FNTA: variants seen among roughly 807,000 people sequenced by gnomAD.
The protein encoded by FNTA is protein farnesyltransferase/geranylgeranyltransferase type-1 subunit alpha.
A neutral mutation model predicts 55.2 loss-of-function variants in FNTA; 27 were observed. That is an observed-to-expected ratio of 0.49 (90% CI 0.36 to 0.67). The LOEUF is 0.67. Among genes scored for constraint, FNTA ranks in the 30% least tolerant of loss-of-function variants. FNTA has a pLI of 0.00. For missense variants in FNTA, 422 were observed against 464.7 expected (o/e 0.91, Z 0.85); for synonymous variants, 176 against 170.7 (o/e 1.03, Z -0.24).
At chr8:43,077,069 C>T in intron 5 of FNTA, 147 bp from the exon 6 acceptor site, 2 of 493,782 alleles carry the variant, frequency 4.1e-6, no homozygotes, top group South Asian at 3.9e-5. Flanking sequence ...CCTCTATTTC[C>T]TTTACTTGCA....
chr8:43,069,000 CTG>C (rs1810724669), intron 3 of FNTA, among the ~76,000 whole-genome samples: 1 of 152,318 alleles, frequency 6.6e-6, no homozygotes, highest in East Asian at 1.9e-4. Context: ...GCGTGAGCCA[CTG>C]TGCCTGGCCA....
rs907186142 is a variant in FNTA at position 43,060,675 on chromosome 8, C to T, written c.286+1498C>T. The stretch of plus-strand genomic sequence containing the variant: ...GGACGACAAGAGCAAAACTCTGTCT[C>T]AAAAAAAAAAAAAAAAAATTAACTT... On this transcript the variant is annotated intron_variant, in intron 2 of 8. Coordinates refer to ENST00000302279, the MANE Select transcript of FNTA (RefSeq NM_002027.3). Among the ~76,000 whole-genome samples the T allele has an allele frequency of 9.1e-4, 128 of 141,172 alleles. 1 individual carries two copies. Among genetic ancestry groups the T allele is most frequent in the Middle Eastern group, 3.6e-3 (1 of 276 alleles). The allele number at this position is 141,172 out of a possible 152,430, so 92.6% of individuals were successfully genotyped here. A position where few individuals can be genotyped will look rare whatever the true frequency, so the allele number is the denominator to read the frequency against.
intron 2 of FNTA, among the ~76,000 whole-genome samples, chr8:43,063,840 GGGA>G (rs1361557918): frequency 6.6e-6 from 1 of 152,174 alleles, no homozygotes; most frequent in African/African-American, 2.4e-5. Context: ...TAAGGCCTAT[GGGA>G]GATATGGAAT....
At chr8:43,056,648 T>G (rs1810409340) in intron 1 of FNTA, 102 bp downstream of exon 1, 6 of 729,570 alleles carry the variant, frequency 8.2e-6, no homozygotes, top group African/African-American at 1.9e-5. Context: ...CAGGCCGAAG[T>G]TCCCGTGGCG....
At chr8:43,057,265 C>A (rs1448622556) in intron 1 of FNTA, 1 of 152,190 alleles carries the variant, frequency 6.6e-6, no homozygotes, top group Non-Finnish European at 1.5e-5. Context: ...TCCCTGTGAA[C>A]CTGCAGAGAT....
intron 6 of FNTA, chr8:43,078,903 A>G (rs1399581929): frequency 1.3e-5 from 2 of 152,326 alleles, no homozygotes; most frequent in Non-Finnish European, 2.9e-5. Flanking sequence ...ACAAAACAGC[A>G]TTATTGCTGG....
In FNTA at chr8:43,085,392, C is replaced by T. The variant is rs1811107285; in HGVS notation, c.*110C>T. ...TTGCCTGTGGTGTAAAAGTGCATCA[C>T]ACAGGTATTGCTTTTTAACAAGAAC... On this transcript the variant is annotated 3_prime_UTR_variant, in exon 9 of 9. Transcript: ENST00000302279. 3.0e-6 allele frequency: 3 copies of T among 990,654 alleles called. No homozygotes were observed. The highest frequency in any genetic ancestry group is 4.6e-6 in the Non-Finnish European group (3 of 654,788). The allele number at this position is 990,654 out of a possible 1,614,324, so 61.4% of individuals were successfully genotyped here. A position where few individuals can be genotyped will look rare whatever the true frequency, so the allele number is the denominator to read the frequency against.
At chr8:43,075,936 A>G (rs574172793) in intron 5 of FNTA, among the ~76,000 whole-genome samples, 14 of 150,876 alleles carry the variant, frequency 9.3e-5, no homozygotes, top group Non-Finnish European at 1.8e-4. Flanking sequence ...TGGTGCAGTC[A>G]TAGCTCACTG....
At chr8:43,084,668 C>T in intron 7 of FNTA, 42 bp from the exon 8 acceptor site, 1 of 1,504,236 alleles carries the variant, frequency 6.6e-7, no homozygotes, top group Non-Finnish European at 9.0e-7. Context: ...TTTTGTTCTT[C>T]CTTCACAAAA....
chr8:43,056,340 A>T lies in FNTA; in HGVS notation c.-7A>T. On this transcript the variant is annotated 5_prime_UTR_variant, in exon 1 of 9. Transcript: ENST00000302279. ...CCGCCACCACCTCAGCTGCGGACCGAGGCGAGATGGCGGCCACCGAGGGGG... is the reference window on the plus strand; with the variant it reads ...CCGCCACCACCTCAGCTGCGGACCGTGGCGAGATGGCGGCCACCGAGGGGG... 2 of 1,410,652 alleles carry T rather than the reference A, an allele frequency of 1.4e-6. No individual in the cohort carries two copies. The highest frequency in any genetic ancestry group is 1.5e-5 in the African/African-American group (1 of 66,410). 87.4% of individuals were successfully genotyped at this position (1,410,652 alleles called of 1,614,324 possible).
At chr8:43,066,194 A>G (rs1398770818) in intron 3 of FNTA, among the ~76,000 whole-genome samples, 1 of 148,706 alleles carries the variant, frequency 6.7e-6, no homozygotes, top group Non-Finnish European at 1.5e-5. Context: ...TAACTCTCGT[A>G]TGGATTTTTA....
chr8:43,080,776 TCAC>T (rs1342650345), intron 6 of FNTA: 8 of 152,370 alleles, frequency 5.3e-5, no homozygotes, highest in African/African-American at 1.9e-4. Flanking sequence ...ATTTGCATCA[TCAC>T]TGGCAGTTTT....
intron 6 of FNTA, 103 bp downstream of exon 6, chr8:43,077,467 A>C (rs756893069): frequency 6.5e-5 from 53 of 821,568 alleles, no homozygotes; most frequent in Non-Finnish European, 1.0e-4. Flanking sequence ...ACCCCATGGA[A>C]CTAAAAGAGG....
chr8:43,057,954 C>T (rs1810448830), intron 1 of FNTA, among the ~76,000 whole-genome samples: 3 of 129,728 alleles, frequency 2.3e-5, no homozygotes, highest in Non-Finnish European at 4.7e-5. Flanking sequence ...GTGACTCCAT[C>T]TCAAAAAAAA....
At chr8:43,077,426 A>C in intron 6 of FNTA, 62 bp downstream of exon 6, 39 of 1,365,442 alleles carry the variant, frequency 2.9e-5, no homozygotes, top group Non-Finnish European at 3.4e-5. Flanking sequence ...ACCATATCTC[A>C]GGCACTGGGG....
intron 4 of FNTA, among the ~76,000 whole-genome samples, 178 bp downstream of exon 4, chr8:43,069,837 T>C (rs1439762697): frequency 6.6e-6 from 1 of 151,202 alleles, no homozygotes; most frequent in African/African-American, 2.4e-5. Flanking sequence ...AGAGACGGGG[T>C]TTTGCCATGT....
chr8:43,073,485 G>T (rs374810977), intron 5 of FNTA: 1 of 152,138 alleles, frequency 6.6e-6, no homozygotes, highest in East Asian at 1.9e-4. Context: ...TACTTACCTG[G>T]CAGGGAAGAT....
At chr8:43,066,373 C>T (rs1482839063) in intron 3 of FNTA, among the ~76,000 whole-genome samples, 1 of 150,748 alleles carries the variant, frequency 6.6e-6, no homozygotes, top group Non-Finnish European at 1.5e-5. Flanking sequence ...TCTCCTGCCT[C>T]AGCCTCCCGA....
intron 1 of FNTA, chr8:43,058,842 CTTTAAA>C (rs1369496365): frequency 5.7e-6 from 2 of 351,992 alleles, no homozygotes; most frequent in South Asian, 8.9e-5. Context: ...ACTTATAAAA[CTTTAAA>C]TTTGAAAACT....
Sources: gnomAD v4.1 joint callset for allele counts (sites outside exome capture counted in the v4.1 genomes callset) on GRCh38, gnomAD v4.1.1 for gene constraint, MANE v1.5 for transcripts, NCBI Gene and HGNC (gene_info 2026-07-23, HGNC 2026-07-21) for gene names.